Variants in TTC17 observed in about 807,000 individuals in gnomAD.
TTC17 encodes the protein tetratricopeptide repeat protein 17.
Under a neutral mutation model 143.8 loss-of-function variants are expected in TTC17, and 58 were observed. The ratio of observed to expected loss-of-function variants is 0.40; its 90% CI spans 0.33 to 0.50. The LOEUF is 0.50. Among genes scored for constraint, TTC17 ranks in the 20% least tolerant of loss-of-function variants. The pLI is 0.49. For missense variants in TTC17, 1,273 were observed against 1,392.5 expected (o/e 0.91, Z 1.37); for synonymous variants, 501 against 497.8 (o/e 1.01, Z -0.09).
At position 43,391,920 on chromosome 11, in the gene TTC17, A is replaced by C. The variant is rs748068998; in HGVS notation, c.631A>C (p.Ile211Leu). The change falls in exon 5 of 24, where the codon ATA becomes CTA. Residue 211 changes from isoleucine to leucine, a missense_variant. Coordinates refer to ENST00000039989, the MANE Select transcript of TTC17 (RefSeq NM_018259.6). The part of the protein sequence containing the change: ...SKRLGRSIDD[I>L]GHLIHEGLQK... ...ACGGTTAGGAAGGAGTATAGATGAC[A>C]TAGGTCACCTCATTCATGAAGGCCT... 1.2e-6 allele frequency: 2 copies of C among 1,612,254 alleles called. No individual in the cohort carries two copies. The highest frequency in any genetic ancestry group is 3.4e-5 in the Admixed American group (2 of 59,484).
chr11:43,450,376 G>T lies in TTC17; in HGVS notation c.2946+135G>T. ...TTTTTCAGTTAGGCATCACCTAGGT[G>T]GGTTTGGGCCAAGCCTGATTTCTTT... On this transcript the variant is annotated intron_variant, in intron 20 of 23. Transcript: ENST00000039989. The T allele has an allele frequency of 4.7e-6, 5 of 1,053,164 alleles. No homozygotes were observed. The South Asian group carries it at 1.0e-4, about 21-fold the overall frequency. The allele number at this position is 1,053,164 out of a possible 1,614,324, so 65.2% of individuals were successfully genotyped here. A position where few individuals can be genotyped will look rare whatever the true frequency, so the allele number is the denominator to read the frequency against.
chr11:43,484,978 C>T (rs1417556109), intron 21 of TTC17, among the ~76,000 whole-genome samples: 3 of 151,906 alleles, frequency 2.0e-5, no homozygotes, highest in Non-Finnish European at 4.4e-5. Flanking sequence ...GATGATCTGT[C>T]ACTGTCTCCC....
At chr11:43,402,172 C>A (rs1452540588) in intron 10 of TTC17, among the ~76,000 whole-genome samples, 2 of 152,032 alleles carry the variant, frequency 1.3e-5, no homozygotes, top group African/African-American at 2.4e-5. Context: ...GCATTTGATT[C>A]TTTTCTCTTT....
chr11:43,397,380 A>G lies in TTC17; in HGVS notation c.807A>G (p.Ala269=), dbSNP rs554644359. ...AAGACATTGCCCTGGTCAACCTGGC[A>G]AACGTTCTACACAGAGCACACTTCT... ...HNKDIALVNL[A]NVLHRAHFSA... The change falls in exon 7 of 24, where the codon GCA becomes GCG. Residue 269 remains alanine (A), a synonymous_variant. Transcript: ENST00000039989. The G allele has an allele frequency of 6.2e-7, 1 of 1,612,218 alleles. No homozygotes were observed. Among genetic ancestry groups the G allele is most frequent in the African/African-American group, 1.3e-5 (1 of 75,030 alleles).
At chr11:43,402,670 T>C (rs537725194) in intron 10 of TTC17, among the ~76,000 whole-genome samples, 1 of 152,180 alleles carries the variant, frequency 6.6e-6, no homozygotes, top group East Asian at 1.9e-4. Flanking sequence ...ATTTTTTGAT[T>C]GGGATGCTTA....
intron 21 of TTC17, among the ~76,000 whole-genome samples, chr11:43,457,966 C>T (rs967341084): frequency 6.6e-5 from 10 of 151,804 alleles, no homozygotes; most frequent in East Asian, 3.9e-4. Flanking sequence ...CTCAGCAGAC[C>T]CCAAGCAGAA....
rs189770074 is a variant in TTC17 at position 43,399,271 on chromosome 11, A to G, written c.1059-617A>G. Among the ~76,000 whole-genome samples, 94 of 152,360 alleles carry G rather than the reference A, an allele frequency of 6.2e-4. No individual in the cohort carries two copies. In the East Asian group the frequency reaches 0.017, roughly 27 times the overall value. ...TTTGAATGTTGATGGAACTAATGCA[A>G]ATTTTGTAGAGAGAAATAGAGTTGT... On this transcript the variant is annotated intron_variant, in intron 8 of 23. Coordinates refer to ENST00000039989, the MANE Select transcript of TTC17 (RefSeq NM_018259.6).
At chr11:43,386,208 G>A (rs1426883962) in intron 2 of TTC17, among the ~76,000 whole-genome samples, 1 of 151,866 alleles carries the variant, frequency 6.6e-6, no homozygotes, top group Non-Finnish European at 1.5e-5. Context: ...AAAAATCTAA[G>A]TATGAAAAGT....
At chr11:43,453,174 G>A (rs948096307) in intron 21 of TTC17, among the ~76,000 whole-genome samples, 17 of 3,150 alleles carry the variant, frequency 5.4e-3, no homozygotes, top group South Asian at 0.12. Context: ...GACAAGTGAC[G>A]AAAATAAGAG....
intron 13 of TTC17, among the ~76,000 whole-genome samples, chr11:43,406,338 C>G (rs556586362): frequency 6.6e-6 from 1 of 152,148 alleles, no homozygotes; most frequent in Admixed American, 6.6e-5. Flanking sequence ...CTCTCTCTGG[C>G]CTTATCAACC....
Position 43,380,500 on chromosome 11 carries a change from C to A in TTC17, c.249+1178C>A, listed in dbSNP as rs550581807. On this transcript the variant is annotated intron_variant, in intron 2 of 23. Transcript: ENST00000039989. ...AAACTCCTGACCTCAGGTGATCTGC[C>A]CACCTCGGCCTCCCAAAGTGCTGGG... Among the ~76,000 whole-genome samples, 3 of 152,108 alleles carry A rather than the reference C, an allele frequency of 2.0e-5. No homozygotes were observed. In the South Asian group the frequency reaches 6.2e-4, roughly 32 times the overall value.
chr11:43,428,545 G>A (rs1235735544), intron 16 of TTC17, among the ~76,000 whole-genome samples: 4 of 152,188 alleles, frequency 2.6e-5, no homozygotes, highest in Admixed American at 2.0e-4. Flanking sequence ...TTTCCGTGCT[G>A]TAGTCATTTA....
intron 6 of TTC17, 78 bp from the exon 7 acceptor site, chr11:43,397,269 A>T: frequency 1.3e-6 from 2 of 1,492,492 alleles, no homozygotes; most frequent in South Asian, 2.6e-5. Flanking sequence ...TAGTTTCCTA[A>T]GCACAAGTAA....
At chr11:43,402,772 C>G (rs1857925726) in intron 10 of TTC17, among the ~76,000 whole-genome samples, 1 of 152,146 alleles carries the variant, frequency 6.6e-6, no homozygotes, top group Non-Finnish European at 1.5e-5. Context: ...GATACTCAAC[C>G]TGTATTAGAA....
intron 18 of TTC17, 74 bp downstream of exon 18, chr11:43,444,283 T>A: frequency 6.8e-7 from 1 of 1,473,946 alleles, no homozygotes; most frequent in South Asian, 1.4e-5. Context: ...AGGTTGTATT[T>A]GTAACTTGAA....
chr11:43,371,669 G>T (rs1856573862), intron 1 of TTC17, among the ~76,000 whole-genome samples: 1 of 152,102 alleles, frequency 6.6e-6, no homozygotes, highest in Non-Finnish European at 1.5e-5. Context: ...CTCACCAGAG[G>T]TTAAGGGGTG....
At chr11:43,399,805 C>A (rs896788936) in intron 8 of TTC17, 83 bp from the exon 9 acceptor site, 29 of 1,402,784 alleles carry the variant, frequency 2.1e-5, no homozygotes, top group Non-Finnish European at 2.7e-5. Context: ...TTGCTGAGAA[C>A]CAGAAAAATC....
chr11:43,482,124 C>G (rs181428115), intron 21 of TTC17, among the ~76,000 whole-genome samples: 25 of 152,088 alleles, frequency 1.6e-4, no homozygotes, highest in African/African-American at 5.5e-4. Context: ...CTTAAATAAT[C>G]AGTTTGAGGA....
rs147787434 is a variant in TTC17, at chr11:43,370,160, T to A, written c.160-9073T>A. 2.5e-5 allele frequency: 11 copies of A among 445,776 alleles called. No individual in the cohort carries two copies. The East Asian group carries it at 7.7e-4, about 31-fold the overall frequency. 27.6% of individuals were successfully genotyped at this position (445,776 alleles called of 1,614,324 possible). A position where few individuals can be genotyped will look rare whatever the true frequency, so the allele number is the denominator to read the frequency against. On this transcript the variant is annotated intron_variant, in intron 1 of 23. Coordinates refer to ENST00000039989, the MANE Select transcript of TTC17 (RefSeq NM_018259.6). Reference sequence around the variant, plus strand: ...TTGCGAACCTGTACTTCTCTAAACCTCAAAGAAGATGTAAGCCCATGATGG... The same window carrying A: ...TTGCGAACCTGTACTTCTCTAAACCACAAAGAAGATGTAAGCCCATGATGG...
Sources: gnomAD v4.1 joint callset for allele counts (sites outside exome capture counted in the v4.1 genomes callset) on GRCh38, gnomAD v4.1.1 for gene constraint, MANE v1.5 for transcripts, NCBI Gene and HGNC (gene_info 2026-07-23, HGNC 2026-07-21) for gene names.